NTRK2: variants seen among roughly 807,000 people sequenced by gnomAD.
NTRK2 encodes the protein BDNF/NT-3 growth factors receptor.
In NTRK2, 13 loss-of-function variants were observed where a neutral mutation model predicts 94.5. The ratio of observed to expected loss-of-function variants is 0.14; its 90% CI spans 0.09 to 0.22. The LOEUF is 0.22. Ranked by LOEUF, NTRK2 falls within the 10% of genes least tolerant of loss-of-function variation. The pLI is 1.00. For missense variants in NTRK2, 639 were observed against 1,071.2 expected (o/e 0.60, Z 5.63); for synonymous variants, 372 against 407.4 (o/e 0.91, Z 1.05).
At chr9:84,762,494 G>A (rs1317787234) in intron 12 of NTRK2, among the ~76,000 whole-genome samples, 1 of 152,184 alleles carries the variant, frequency 6.6e-6, no homozygotes, top group African/African-American at 2.4e-5. Context: ...TTTCCTCTAT[G>A]AGTGAGGACA....
chr9:84,813,135 A>T lies in NTRK2; in HGVS notation c.1397-47905A>T, dbSNP rs199517390. ...AAGGAGAGGTAGCATTTTTGCTGAA[A>T]TCGGGCCTGTCACTCTCCAATAAAG... On this transcript the variant is annotated intron_variant, in intron 12 of 18. Coordinates refer to ENST00000277120, the MANE Select transcript of NTRK2 (RefSeq NM_006180.6). The T allele has an allele frequency of 1.0e-4, 106 of 1,042,224 alleles. No individual in the cohort carries two copies. In the South Asian group the frequency reaches 4.6e-3, roughly 45 times the overall value. 64.6% of individuals were successfully genotyped at this position (1,042,224 alleles called of 1,614,324 possible). A position where few individuals can be genotyped will look rare whatever the true frequency, so the allele number is the denominator to read the frequency against.
chr9:84,794,445 A>C (rs967853393), intron 12 of NTRK2, among the ~76,000 whole-genome samples: 7 of 152,188 alleles, frequency 4.6e-5, no homozygotes, highest in Non-Finnish European at 1.0e-4. Flanking sequence ...ATAGCCAAAA[A>C]ACCCCAGTGT....
At chr9:84,773,563 C>A (rs2066756393) in intron 12 of NTRK2, among the ~76,000 whole-genome samples, 1 of 152,092 alleles carries the variant, frequency 6.6e-6, no homozygotes, top group African/African-American at 2.4e-5. Context: ...GTAGTAGGTT[C>A]TCCTCTCTTT....
chr9:84,963,134 A>G (rs1413065774), intron 17 of NTRK2, among the ~76,000 whole-genome samples: 1 of 152,238 alleles, frequency 6.6e-6, no homozygotes, highest in Non-Finnish European at 1.5e-5. Context: ...AGGTTGCTGC[A>G]CAGAGCAGAT....
intron 17 of NTRK2, among the ~76,000 whole-genome samples, chr9:84,984,104 T>C (rs1827992601): frequency 6.6e-6 from 1 of 152,216 alleles, no homozygotes; most frequent in South Asian, 2.1e-4. Flanking sequence ...ACTTCAGTGA[T>C]GATTAGCCTT....
chr9:84,974,515 C>T (rs904938528), intron 17 of NTRK2, among the ~76,000 whole-genome samples: 5 of 152,110 alleles, frequency 3.3e-5, no homozygotes, highest in Admixed American at 2.0e-4. Flanking sequence ...CCAGATAGCC[C>T]AAGAGTTTTC....
At chr9:84,816,792 A>G (rs1307943353) in intron 12 of NTRK2, among the ~76,000 whole-genome samples, 1 of 151,730 alleles carries the variant, frequency 6.6e-6, no homozygotes, top group African/African-American at 2.4e-5. Flanking sequence ...AAAAAAAAAA[A>G]AAAAAAAGAA....
At chr9:84,764,444 G>A (rs931466518) in intron 12 of NTRK2, among the ~76,000 whole-genome samples, 9 of 152,206 alleles carry the variant, frequency 5.9e-5, no homozygotes, top group African/African-American at 1.9e-4. Flanking sequence ...AAGAATTTCA[G>A]CTCTTTCATT....
At chr9:84,995,083 T>A (rs1829578027) in intron 17 of NTRK2, among the ~76,000 whole-genome samples, 1 of 152,202 alleles carries the variant, frequency 6.6e-6, no homozygotes, top group South Asian at 2.1e-4. Flanking sequence ...ATGTGAGTCC[T>A]TAGAAACAGA....
chr9:84,693,012 G>A (rs1482709751), intron 2 of NTRK2, among the ~76,000 whole-genome samples: 2 of 152,176 alleles, frequency 1.3e-5, no homozygotes, highest in African/African-American at 4.8e-5. Flanking sequence ...CCCAGGGGCA[G>A]CACAGCTCGT....
chr9:84,921,329 T>C (rs1027826382), intron 14 of NTRK2, among the ~76,000 whole-genome samples: 1 of 152,214 alleles, frequency 6.6e-6, no homozygotes, highest in African/African-American at 2.4e-5. Context: ...GACAGAAGCA[T>C]ACAAAACAAG....
chr9:84,698,131 G>C (rs1410653384), intron 2 of NTRK2, among the ~76,000 whole-genome samples: 1 of 151,632 alleles, frequency 6.6e-6, no homozygotes, highest in African/African-American at 2.4e-5. Context: ...TAGTTTCTGT[G>C]TATGTGTGTG....
At chr9:84,975,016 A>G (rs1826647391) in intron 17 of NTRK2, among the ~76,000 whole-genome samples, 1 of 152,256 alleles carries the variant, frequency 6.6e-6, no homozygotes, top group South Asian at 2.1e-4. Context: ...GCAGTTTGGC[A>G]GTGCCAGGAG....
At chr9:85,011,283 G>A (rs1400667964) in intron 17 of NTRK2, among the ~76,000 whole-genome samples, 1 of 152,074 alleles carries the variant, frequency 6.6e-6, no homozygotes, top group African/African-American at 2.4e-5. Flanking sequence ...GACCAGAATT[G>A]CCCACCTCCT....
At chr9:84,956,414 A>G (rs758950042) in intron 17 of NTRK2, among the ~76,000 whole-genome samples, 4 of 152,228 alleles carry the variant, frequency 2.6e-5, no homozygotes, top group Admixed American at 6.5e-5. Context: ...GAACTCGGAC[A>G]TGAGAGAAAA....
intron 17 of NTRK2, among the ~76,000 whole-genome samples, chr9:85,011,689 A>G: frequency 6.6e-6 from 1 of 152,144 alleles, no homozygotes; most frequent in East Asian, 1.9e-4. Context: ...TAAGAAAATA[A>G]ATTTCTGTTG....
At chr9:84,774,918 A>G (rs1299662429) in intron 12 of NTRK2, among the ~76,000 whole-genome samples, 2 of 152,330 alleles carry the variant, frequency 1.3e-5, no homozygotes, top group African/African-American at 2.4e-5. Context: ...AGACAAAAAG[A>G]AAAAAAGACA....
chr9:84,692,488 T>TTTTTTTTTTTTTTTTTC (rs2060114882), intron 2 of NTRK2, among the ~76,000 whole-genome samples: 1 of 98,576 alleles, frequency 1.0e-5, no homozygotes, highest in Non-Finnish European at 2.1e-5. Flanking sequence ...TTTTTTTTTT[T>TTTTTTTTTTTTTTTTTC]GAGACAGAGT....
At position 84,697,946 on chromosome 9, in the gene NTRK2, T is replaced by G. The variant is rs190609581; in HGVS notation, c.213-4213T>G. ...TCTTTCCCTCTCTCCCTCCCACCCT[T>G]TCTTGCTTGCTGTCTCTTTCTTTTC... On this transcript the variant is annotated intron_variant, in intron 2 of 18. Transcript: ENST00000277120. Among the ~76,000 whole-genome samples, 196 of 152,308 alleles carry G rather than the reference T, an allele frequency of 1.3e-3. 1 individual carries two copies. The highest frequency in any genetic ancestry group is 4.5e-3 in the African/African-American group (189 of 41,570).
Sources: allele counts gnomAD v4.1 joint callset (sites outside exome capture counted in the v4.1 genomes callset), GRCh38; gene constraint gnomAD v4.1.1; transcripts MANE v1.5; gene names NCBI Gene and HGNC (gene_info 2026-07-23, HGNC 2026-07-21).